Variants in CHD7 observed in about 807,000 individuals in gnomAD.
CHD7 encodes the protein chromodomain helicase DNA binding protein 7, also known as ATP-dependent chromatin remodeler CHD7.
In CHD7, 24 loss-of-function variants were observed where a neutral mutation model predicts 307.3. The observed-to-expected ratio is 0.08, with a 90% CI of 0.06 to 0.11. The LOEUF is 0.11. Ranked by LOEUF, CHD7 falls within the 10% of genes least tolerant of loss-of-function variation. The pLI is 1.00. For missense variants in CHD7, 3,106 were observed against 3,727.1 expected (o/e 0.83, Z 4.34); for synonymous variants, 1,363 against 1,349.9 (o/e 1.01, Z -0.21).
intron 21 of CHD7, among the ~76,000 whole-genome samples, chr8:60,843,744 G>T (rs1805073803): frequency 6.6e-6 from 1 of 152,228 alleles, no homozygotes; most frequent in South Asian, 2.1e-4. Context: ...ACAAAAGGTG[G>T]CATGTACAGC....
At chr8:60,844,289 G>C (rs1423033510) in intron 21 of CHD7, among the ~76,000 whole-genome samples, 3 of 152,184 alleles carry the variant, frequency 2.0e-5, no homozygotes, top group African/African-American at 7.2e-5. Flanking sequence ...GGACCTGAGG[G>C]TTGGCAGAAT....
chr8:60,739,811 C>T (rs1808900260), intron 1 of CHD7, among the ~76,000 whole-genome samples: 1 of 152,132 alleles, frequency 6.6e-6, no homozygotes, highest in Non-Finnish European at 1.5e-5. Context: ...GTTGGTTAGC[C>T]CATTGTTCAT....
intron 2 of CHD7, among the ~76,000 whole-genome samples, chr8:60,776,876 C>G (rs1485105282): frequency 1.3e-5 from 2 of 152,118 alleles, no homozygotes; most frequent in Non-Finnish European, 2.9e-5. Flanking sequence ...TTAAGAATGT[C>G]TGTAATAAAA....
chr8:60,788,859 C>T (rs1419655046), intron 3 of CHD7, among the ~76,000 whole-genome samples: 2 of 152,088 alleles, frequency 1.3e-5, no homozygotes, highest in African/African-American at 2.4e-5. Flanking sequence ...TTCTGTTGTC[C>T]GCGTTTTATT....
At position 60,819,011 on chromosome 8, in the gene CHD7, TG is replaced by T. The variant is rs1397855706; in HGVS notation, c.2614-994del. ...CTCTGTCACCTGGGCTGGAGTGCAG[TG>T]GTGCGATCTCGGCTCACTGCAACCT... On this transcript the variant is annotated intron_variant, in intron 8 of 37. Transcript: ENST00000423902. 2.0e-5 allele frequency among the ~76,000 whole-genome samples: 3 copies of T among 152,312 alleles called. No individual in the cohort carries two copies. In the East Asian group the frequency reaches 5.8e-4, roughly 29 times the overall value.
chr8:60,731,358 A>G lies in CHD7; in HGVS notation c.-174-9901A>G, dbSNP rs1338736210. On this transcript the variant is annotated intron_variant, in intron 1 of 37. Coordinates refer to ENST00000423902, the MANE Select transcript of CHD7 (RefSeq NM_017780.4). ...TGCTAATTTTGCTGTTGTATCTCAAACTGCAAAAGTTACAGTCACAGTGCC... is the reference window on the plus strand; with the variant it reads ...TGCTAATTTTGCTGTTGTATCTCAAGCTGCAAAAGTTACAGTCACAGTGCC... 2.0e-5 allele frequency among the ~76,000 whole-genome samples: 3 copies of G among 152,202 alleles called. No homozygotes were observed. The East Asian group carries it at 5.8e-4, about 29-fold the overall frequency.
chr8:60,751,734 A>C (rs1351556581), intron 2 of CHD7, among the ~76,000 whole-genome samples: 1 of 152,222 alleles, frequency 6.6e-6, no homozygotes, highest in African/African-American at 2.4e-5. Context: ...TAAAAAATGG[A>C]GGAGAACCTT....
intron 14 of CHD7, 147 bp from the exon 15 acceptor site, chr8:60,830,175 G>A: frequency 1.3e-6 from 1 of 777,450 alleles, no homozygotes; most frequent in Non-Finnish European, 2.0e-6. Context: ...TGAAAGCTGA[G>A]AGATGAGCTC....
In CHD7 at chr8:60,852,176, A is replaced by G; in HGVS notation, c.5823A>G (p.Arg1941=). The G allele has an allele frequency of 6.2e-7, 1 of 1,613,870 alleles. No homozygotes were observed. Residue 1941 remains arginine, a synonymous_variant, in exon 29 of 38, where the codon AGA becomes AGG. Coordinates refer to ENST00000423902, the MANE Select transcript of CHD7 (RefSeq NM_017780.4). The part of the protein sequence containing the change: ...QEALMKTDRR[R]RRPREEVRAL... ...CCCTAATGAAGACTGACCGGCGCAG[A>G]CGGCGGCCTCGAGAGGAAGTGAGAG...
At chr8:60,722,212 A>G (rs915667878) in intron 1 of CHD7, among the ~76,000 whole-genome samples, 3 of 152,064 alleles carry the variant, frequency 2.0e-5, no homozygotes, top group African/African-American at 7.2e-5. Flanking sequence ...TTATTACAGT[A>G]TCTGTGGCTC....
At chr8:60,735,751 T>TA (rs1416125551) in intron 1 of CHD7, among the ~76,000 whole-genome samples, 1 of 152,186 alleles carries the variant, frequency 6.6e-6, no homozygotes, top group African/African-American at 2.4e-5. Flanking sequence ...TGCTATTTAA[T>TA]ATGGTCTTTG....
rs755202253 is a variant in CHD7 at position 60,853,478 on chromosome 8, G to A, written c.6753G>A (p.Ser2251=). Residue 2251 remains serine, a synonymous_variant, in exon 31 of 38, where the codon TCG becomes TCA. Coordinates refer to ENST00000423902, the MANE Select transcript of CHD7 (RefSeq NM_017780.4). ...EEEKLEDDDK[S]EESSQPEAGA... is the part of the protein sequence containing the mutation. ...AAAAGCTGGAGGATGACGATAAGTC[G>A]GAAGAGTCTTCCCAGCCCGAAGGTA... The A allele has an allele frequency of 2.6e-6, 4 of 1,514,686 alleles. No individual in the cohort carries two copies. Among genetic ancestry groups the A allele is most frequent in the South Asian group, 1.4e-5 (1 of 72,848 alleles). The allele number at this position is 1,514,686 out of a possible 1,614,324, so 93.8% of individuals were successfully genotyped here.
chr8:60,827,621 C>T (rs1001363853), intron 13 of CHD7, among the ~76,000 whole-genome samples: 1 of 152,142 alleles, frequency 6.6e-6, no homozygotes, highest in African/African-American at 2.4e-5. Flanking sequence ...GTCCATGAAA[C>T]TTCCTCAGAG....
chr8:60,791,836 G>C (rs536980230), intron 3 of CHD7, among the ~76,000 whole-genome samples: 7 of 152,314 alleles, frequency 4.6e-5, no homozygotes, highest in Middle Eastern at 3.4e-3. Flanking sequence ...TAGTGCTTAG[G>C]AATGTCGATG....
At chr8:60,684,633 A>C (rs1472339514) in intron 1 of CHD7, among the ~76,000 whole-genome samples, 1 of 152,098 alleles carries the variant, frequency 6.6e-6, no homozygotes, top group Non-Finnish European at 1.5e-5. Context: ...AGTGCCCCTC[A>C]CCTGCAGGGA....
Position 60,741,947 on chromosome 8 carries a change from C to T in CHD7, c.515C>T (p.Pro172Leu), listed in dbSNP as rs199933688. 2.7e-5 allele frequency: 43 copies of T among 1,613,400 alleles called. No individual in the cohort carries two copies. The highest frequency in any genetic ancestry group is 3.1e-5 in the Non-Finnish European group (37 of 1,179,734). ...CAGCCACAGCCGCAGCCACCGCAGC[C>T]GGCTCCGTCGGGGCCCCCTGCACAG... ...QQQPQPQPPQ[P>L]APSGPPAQGH... Residue 172 changes from proline to leucine, a missense_variant, in exon 2 of 38, where the codon CCG (proline) becomes CTG (leucine). This residue lies in a region of CHD7 where 998 missense variants were observed against 1,004.5 expected (regional missense o/e 0.99). Transcript: ENST00000423902.
At chr8:60,758,710 G>A (rs1810017289) in intron 2 of CHD7, among the ~76,000 whole-genome samples, 1 of 152,122 alleles carries the variant, frequency 6.6e-6, no homozygotes, top group Admixed American at 6.5e-5. Flanking sequence ...AAAACAAAAA[G>A]GGTGGCCCAT....
chr8:60,703,637 C>G (rs1298133222), intron 1 of CHD7, among the ~76,000 whole-genome samples: 1 of 152,240 alleles, frequency 6.6e-6, no homozygotes, highest in African/African-American at 2.4e-5. Flanking sequence ...TGAGTACAAG[C>G]TGATCCATGA....
At chr8:60,760,935 G>A (rs1211350074) in intron 2 of CHD7, among the ~76,000 whole-genome samples, 8 of 152,162 alleles carry the variant, frequency 5.3e-5, no homozygotes, top group Admixed American at 3.9e-4. Flanking sequence ...TCAGTGTGGC[G>A]ATTCCTCAGG....
Sources: gnomAD v4.1 joint callset for allele counts (sites outside exome capture counted in the v4.1 genomes callset) on GRCh38, gnomAD v4.1.1 for gene constraint, gnomAD v4.1.1 regional missense constraint, MANE v1.5 for transcripts, NCBI Gene and HGNC (gene_info 2026-07-23, HGNC 2026-07-21) for gene names.